Variants in CELF4 observed in about 807,000 individuals in gnomAD.
CELF4 encodes CUG-BP- and ETR-3-like factor 4.
Under a neutral mutation model 59.9 loss-of-function variants are expected in CELF4, and 18 were observed. That is an observed-to-expected ratio of 0.30 (90% confidence interval 0.21 to 0.45). CELF4 has a LOEUF of 0.45. CELF4 is among the 20% of genes least tolerant of loss of function. The pLI, the probability that CELF4 is intolerant of heterozygous loss-of-function variation, is 1.00. For synonymous variants in CELF4, 261 were observed against 267.1 expected, an observed-to-expected ratio of 0.98 and a Z score of 0.22; for missense variants, 456 against 689.0, an observed-to-expected ratio of 0.66 and a Z score of 3.79.
intron 2 of CELF4, among the ~76,000 whole-genome samples, chr18:37,378,412 C>T (rs541461108): frequency 1.2e-3 from 184 of 152,024 alleles, no homozygotes; most frequent in African/African-American, 4.2e-3. Flanking sequence ...CAAATTCCCC[C>T]GACTTTACAA....
chr18:37,503,687 C>T (rs1361000317), intron 1 of CELF4, among the ~76,000 whole-genome samples: 1 of 152,238 alleles, frequency 6.6e-6, no homozygotes, highest in Non-Finnish European at 1.5e-5. Flanking sequence ...AATCTCTTCA[C>T]TTCTCTGGGT....
intron 2 of CELF4, among the ~76,000 whole-genome samples, chr18:37,368,187 C>T (rs142725563): frequency 7.8e-4 from 119 of 152,222 alleles, no homozygotes; most frequent in East Asian, 5.8e-3. Context: ...ATCCTTCGGG[C>T]GAGAACTCAG....
intron 3 of CELF4, among the ~76,000 whole-genome samples, chr18:37,311,728 G>T (rs2096657095): frequency 6.7e-6 from 1 of 150,020 alleles, no homozygotes. Context: ...GGCGGAGGTT[G>T]CAGTGAGCCA....
intron 2 of CELF4, among the ~76,000 whole-genome samples, chr18:37,443,638 G>A (rs2154601295): frequency 6.6e-6 from 1 of 152,228 alleles, no homozygotes; most frequent in East Asian, 1.9e-4. Flanking sequence ...CTCAGGAAGA[G>A]GGTCCAGGCT....
intron 3 of CELF4, among the ~76,000 whole-genome samples, chr18:37,295,290 C>T (rs2095576517): frequency 1.3e-5 from 2 of 152,226 alleles, no homozygotes; most frequent in South Asian, 4.1e-4. Context: ...GTCACTGGTG[C>T]CAAAGGCCTG....
chr18:37,402,784 G>T (rs1370097405), intron 2 of CELF4, among the ~76,000 whole-genome samples: 1 of 152,160 alleles, frequency 6.6e-6, no homozygotes, highest in Non-Finnish European at 1.5e-5. Flanking sequence ...GACTGGCCAG[G>T]GCTGTTCCTT....
At chr18:37,326,477 A>G (rs2097316643) in intron 2 of CELF4, among the ~76,000 whole-genome samples, 1 of 152,130 alleles carries the variant, frequency 6.6e-6, no homozygotes, top group Non-Finnish European at 1.5e-5. Context: ...GCTGGGGTGC[A>G]GGAGCCTTCC....
intron 7 of CELF4, among the ~76,000 whole-genome samples, chr18:37,271,234 C>T (rs1490337446): frequency 1.3e-5 from 2 of 150,566 alleles, no homozygotes; most frequent in East Asian, 3.9e-4. Context: ...ACTGTAACCA[C>T]ACTTGGTCTT....
intron 12 of CELF4, among the ~76,000 whole-genome samples, chr18:37,247,891 C>T (rs2063064872): frequency 6.6e-6 from 1 of 152,200 alleles, no homozygotes; most frequent in African/African-American, 2.4e-5. Context: ...TTTCTCTCCC[C>T]CAGGGGTGGC....
chr18:37,275,360 G>T, intron 3 of CELF4, 117 bp from the exon 4 acceptor site: 3 of 859,450 alleles, frequency 3.5e-6, no homozygotes, highest in Non-Finnish European at 4.7e-6. Flanking sequence ...CGGGGCGGGG[G>T]CTCGGAGCCG....
chr18:37,524,829 C>G (rs117168248), intron 1 of CELF4, among the ~76,000 whole-genome samples: 21,888 of 152,154 alleles, frequency 0.14, 1,838 homozygotes, highest in Non-Finnish European at 0.19. Flanking sequence ...CCGCGGCTCC[C>G]GGCAGCGACC....
At chr18:37,370,636 C>T (rs1159210640) in intron 2 of CELF4, among the ~76,000 whole-genome samples, 2 of 152,162 alleles carry the variant, frequency 1.3e-5, no homozygotes, top group Non-Finnish European at 2.9e-5. Flanking sequence ...TGCCTAAAAT[C>T]TGACTGCTTG....
chr18:37,331,045 C>T (rs939244487), intron 2 of CELF4, among the ~76,000 whole-genome samples: 1 of 152,140 alleles, frequency 6.6e-6, no homozygotes, highest in Non-Finnish European at 1.5e-5. Flanking sequence ...GCTCCCACTC[C>T]CCACTCTGAG....
chr18:37,398,693 G>A (rs751705091), intron 2 of CELF4, among the ~76,000 whole-genome samples: 3 of 152,198 alleles, frequency 2.0e-5, no homozygotes, highest in Non-Finnish European at 4.4e-5. Flanking sequence ...CACTGCTTGA[G>A]GCCTCTGGCC....
In CELF4 at chr18:37,254,876, T is replaced by C. The variant is rs1235725927; in HGVS notation, c.1334-938A>G. 6.6e-6 allele frequency among the ~76,000 whole-genome samples: 1 copy of C among 152,158 alleles called. No homozygotes were observed. Among genetic ancestry groups the C allele is most frequent in the African/African-American group, 2.4e-5 (1 of 41,458 alleles). ...AATGCATCTCTTCATACAGACAACATTTTACATCAGCATTTCCCAAACTGG... is the reference window on the plus strand; with the variant it reads ...AATGCATCTCTTCATACAGACAACACTTTACATCAGCATTTCCCAAACTGG... On this transcript the variant is annotated intron_variant, in intron 11 of 12. Coordinates refer to ENST00000420428, the MANE Select transcript of CELF4 (RefSeq NM_020180.4). This position sits in a 1 kb window ranked among gnomAD's most constrained non-coding sequence, Gnocchi z 5.1.
intron 2 of CELF4, among the ~76,000 whole-genome samples, chr18:37,390,782 G>A (rs1186007998): frequency 7.5e-6 from 1 of 133,070 alleles, no homozygotes; most frequent in Non-Finnish European, 1.6e-5. Context: ...TGGACGGGAA[G>A]GCTGGTGGTG....
chr18:37,508,224 A>G (rs1325575848), intron 1 of CELF4, among the ~76,000 whole-genome samples: 1 of 152,220 alleles, frequency 6.6e-6, no homozygotes, highest in Non-Finnish European at 1.5e-5. Flanking sequence ...AGACTAAGAC[A>G]TTGGAAGCTG....
intron 2 of CELF4, among the ~76,000 whole-genome samples, chr18:37,422,083 A>G (rs2154594000): frequency 6.6e-6 from 1 of 152,280 alleles, no homozygotes; most frequent in African/African-American, 2.4e-5. Context: ...TGGGGCAACA[A>G]ATTATAACAC....
chr18:37,480,944 A>G (rs2099865207), intron 2 of CELF4, among the ~76,000 whole-genome samples: 2 of 152,358 alleles, frequency 1.3e-5, no homozygotes, highest in African/African-American at 2.4e-5. Context: ...AGTCTGAGAT[A>G]GCGGTGCTAG....
Sources: allele counts gnomAD v4.1 joint callset (sites outside exome capture counted in the v4.1 genomes callset), GRCh38; gene constraint gnomAD v4.1.1; non-coding constraint Gnocchi (gnomAD v3.1); transcripts MANE v1.5; gene names NCBI Gene and HGNC (gene_info 2026-07-23, HGNC 2026-07-21).